CD226: variants seen among roughly 807,000 people sequenced by gnomAD.
The protein encoded by CD226 is CD226 molecule, also known as CD226 antigen.
Under a neutral mutation model 34.9 loss-of-function variants are expected in CD226, and 24 were observed. The observed-to-expected ratio is 0.69, with a 90% CI of 0.50 to 0.97. The LOEUF (loss-of-function observed/expected upper bound fraction) is 0.97, where lower values mean the gene tolerates loss of function less well. Ranked by LOEUF, CD226 falls within the 50% of genes least tolerant of loss-of-function variation. CD226 has a pLI of 0.00. For missense variants in CD226, 397 were observed against 412.7 expected (o/e 0.96, Z 0.33); for synonymous variants, 148 against 147.4 (o/e 1.00, Z -0.03).
intron 2 of CD226, among the ~76,000 whole-genome samples, chr18:69,905,548 G>T (rs1319592085): frequency 6.6e-6 from 1 of 152,178 alleles, no homozygotes; most frequent in Admixed American, 6.5e-5. Context: ...AGAGTGAGTG[G>T]AAGTGCGGGA....
Position 69,861,554 on chromosome 18 carries a change from G to GTGTGTATATATATATA in CD226, c.*2759_*2760insTATATATATATACACA. The GTGTGTATATATATATA allele has an allele frequency of 7.8e-6, 1 of 127,950 alleles. No individual in the cohort carries two copies. The highest frequency in any genetic ancestry group is 2.4e-4 in the East Asian group (1 of 4,202). 7.9% of individuals were successfully genotyped at this position (127,950 alleles called of 1,614,324 possible). A position where few individuals can be genotyped will look rare whatever the true frequency, so the allele number is the denominator to read the frequency against. On this transcript the variant is annotated 3_prime_UTR_variant, in exon 6 of 6. Transcript: ENST00000582621. The stretch of plus-strand genomic sequence containing the variant: ...ATAAATTATATGTGTATATATATAT[G>GTGTGTATATATATATA]TATATATATATATATATATGTAAAA...
chr18:69,898,993 T>C (rs1307438229), intron 2 of CD226, among the ~76,000 whole-genome samples: 1 of 152,204 alleles, frequency 6.6e-6, no homozygotes, highest in East Asian at 1.9e-4. Flanking sequence ...AACCAGCTTA[T>C]ACTTATATGT....
intron 2 of CD226, among the ~76,000 whole-genome samples, chr18:69,928,572 G>A (rs140509672): frequency 6.6e-6 from 1 of 152,158 alleles, no homozygotes; most frequent in African/African-American, 2.4e-5. Context: ...AATGAGTACA[G>A]GTTGAGTATC....
intron 4 of CD226, among the ~76,000 whole-genome samples, chr18:69,870,510 A>G (rs951721871): frequency 6.7e-6 from 1 of 150,238 alleles, no homozygotes; most frequent in African/African-American, 2.4e-5. Context: ...CCTGACCTCA[A>G]ATGATCCACC....
chr18:69,954,499 A>T (rs1035736798), intron 1 of CD226, among the ~76,000 whole-genome samples: 2 of 152,086 alleles, frequency 1.3e-5, no homozygotes, highest in Admixed American at 6.6e-5. Context: ...CCAAGCAGGC[A>T]TCTGCAACAC....
At chr18:69,875,172 CTT>C (rs1983788685) in intron 3 of CD226, among the ~76,000 whole-genome samples, 1 of 152,072 alleles carries the variant, frequency 6.6e-6, no homozygotes, top group Admixed American at 6.6e-5. Context: ...GAGTTTCACT[CTT>C]GTCACCCAGG....
At chr18:69,919,101 T>C (rs774105456) in intron 2 of CD226, among the ~76,000 whole-genome samples, 9 of 152,174 alleles carry the variant, frequency 5.9e-5, no homozygotes, top group Non-Finnish European at 1.3e-4. Context: ...AGGAAATAAA[T>C]GGCAAACTGA....
chr18:69,933,980 G>A (rs1047895158), intron 2 of CD226, among the ~76,000 whole-genome samples: 2 of 152,188 alleles, frequency 1.3e-5, no homozygotes, highest in Admixed American at 6.5e-5. Context: ...TCACTTAAAT[G>A]AGCAACTATG....
intron 2 of CD226, among the ~76,000 whole-genome samples, chr18:69,945,547 T>C (rs571596611): frequency 2.0e-5 from 3 of 152,270 alleles, no homozygotes; most frequent in Admixed American, 2.0e-4. Flanking sequence ...TAGCTAAACC[T>C]GGATGAGGTG....
intron 2 of CD226, among the ~76,000 whole-genome samples, chr18:69,935,704 G>T (rs975607124): frequency 6.6e-6 from 1 of 152,186 alleles, no homozygotes; most frequent in African/African-American, 2.4e-5. Flanking sequence ...GAAAAACCAA[G>T]AACTGTGTAG....
chr18:69,871,290 A>G (rs1983506805), intron 4 of CD226, among the ~76,000 whole-genome samples: 5 of 152,154 alleles, frequency 3.3e-5, no homozygotes, highest in Admixed American at 2.6e-4. Flanking sequence ...CCTTACTTCA[A>G]TTTGCTAATT....
chr18:69,936,161 C>T (rs1350715219), intron 2 of CD226, among the ~76,000 whole-genome samples: 3 of 152,110 alleles, frequency 2.0e-5, no homozygotes, highest in African/African-American at 2.4e-5. Context: ...ATCAGCCATT[C>T]GATTATTGAA....
At position 69,878,853 on chromosome 18, in the gene CD226, C is replaced by T. The variant is rs148064263; in HGVS notation, c.728-5607G>A. On this transcript the variant is annotated intron_variant, in intron 3 of 5. Coordinates refer to ENST00000582621, the MANE Select transcript of CD226 (RefSeq NM_001303618.2). ...CAAAAGCAAAATCATCCCATTTTAT[C>T]GGGGGAACCTGCCCCTGATAATTCA... Among the ~76,000 whole-genome samples the T allele has an allele frequency of 2.0e-3, 305 of 152,234 alleles. 2 individuals are homozygous for T. The highest frequency in any genetic ancestry group is 6.8e-3 in the African/African-American group (281 of 41,538).
At chr18:69,880,195 G>C (rs542466064) in intron 3 of CD226, among the ~76,000 whole-genome samples, 2 of 123,216 alleles carry the variant, frequency 1.6e-5, no homozygotes, top group Non-Finnish European at 3.5e-5. Flanking sequence ...GAAGGAAAGC[G>C]GGGGAGGAAG....
intron 2 of CD226, among the ~76,000 whole-genome samples, chr18:69,914,056 G>T (rs2055357521): frequency 6.6e-6 from 1 of 152,148 alleles, no homozygotes; most frequent in Non-Finnish European, 1.5e-5. Flanking sequence ...GTCTCACTGT[G>T]ATCATATTTT....
chr18:69,945,223 A>G (rs1482320696), intron 2 of CD226, among the ~76,000 whole-genome samples: 8 of 152,224 alleles, frequency 5.3e-5, no homozygotes, highest in Admixed American at 5.2e-4. Context: ...AATAAGATGT[A>G]TCATTCTCTG....
At chr18:69,959,871 G>C (rs2055921505), upstream of CD226, among the ~76,000 whole-genome samples, 1 of 152,104 alleles carries the variant, frequency 6.6e-6, no homozygotes, top group Non-Finnish European at 1.5e-5. Context: ...GAAGAAAGCA[G>C]CGCCACCTAG....
intron 2 of CD226, among the ~76,000 whole-genome samples, chr18:69,897,329 A>G (rs1985357862): frequency 6.6e-6 from 1 of 152,238 alleles, no homozygotes; most frequent in African/African-American, 2.4e-5. Context: ...ACCCGATCTA[A>G]AGAATAAACT....
intron 4 of CD226, among the ~76,000 whole-genome samples, chr18:69,869,213 T>C (rs1229604019): frequency 1.3e-5 from 2 of 152,156 alleles, no homozygotes; most frequent in African/African-American, 4.8e-5. Context: ...CATGTGTTCA[T>C]TGCAGCACTA....
Sources: allele counts gnomAD v4.1 joint callset (sites outside exome capture counted in the v4.1 genomes callset), GRCh38; gene constraint gnomAD v4.1.1; transcripts MANE v1.5; gene names NCBI Gene and HGNC (gene_info 2026-07-23, HGNC 2026-07-21).